Variants in RTTN observed in about 807,000 individuals in gnomAD.
The protein encoded by RTTN is rotatin.
Under a neutral mutation model 269.2 loss-of-function variants are expected in RTTN, and 182 were observed. The ratio of observed to expected loss-of-function variants is 0.68; its 90% CI spans 0.60 to 0.76. The LOEUF (loss-of-function observed/expected upper bound fraction) is 0.76. Among genes scored for constraint, RTTN ranks in the 30% least tolerant of loss-of-function variants. The pLI is 0.00. For missense variants in RTTN, 2,545 were observed against 2,608.6 expected (o/e 0.98, Z 0.53); for synonymous variants, 1,006 against 963.5 (o/e 1.04, Z -0.82).
intron 39 of RTTN, among the ~76,000 whole-genome samples, chr18:70,051,192 C>T (rs1337091643): frequency 1.3e-5 from 2 of 152,182 alleles, no homozygotes; most frequent in African/African-American, 2.4e-5. Flanking sequence ...TTTCCTAACT[C>T]GCTTTTATGT....
rs774706745 is a variant in RTTN at position 70,190,679 on chromosome 18, C to A, written c.1048G>T (p.Val350Phe). 4 of 1,612,700 alleles carry A rather than the reference C, an allele frequency of 2.5e-6. No individual in the cohort carries two copies. Among genetic ancestry groups the A allele is most frequent in the Non-Finnish European group, 3.4e-6 (4 of 1,178,844 alleles). ...TGTCCCATATCCAAAGGTGAATGAA[C>A]GGATATCCTGGAGTTTACATGAGCA... ...SHAHVNSRIS[V>F]HSPLDMGHID... Residue 350 changes from valine to phenylalanine, a missense_variant, in exon 9 of 49, where the codon GTT becomes TTT. Coordinates refer to ENST00000640769, the MANE Select transcript of RTTN (RefSeq NM_173630.4).
At chr18:70,164,561 A>C (rs1286521137) in intron 14 of RTTN, among the ~76,000 whole-genome samples, 1 of 152,120 alleles carries the variant, frequency 6.6e-6, no homozygotes, top group Non-Finnish European at 1.5e-5. Flanking sequence ...AAAAAAAGTA[A>C]ATTAGACAAA....
chr18:70,040,845 T>C (rs1161411100), intron 40 of RTTN, among the ~76,000 whole-genome samples: 2 of 152,276 alleles, frequency 1.3e-5, no homozygotes, highest in South Asian at 2.1e-4. Flanking sequence ...TACAAACATA[T>C]GAAAATTAAA....
intron 10 of RTTN, among the ~76,000 whole-genome samples, chr18:70,179,321 T>C (rs780672704): frequency 1.3e-5 from 2 of 152,208 alleles, no homozygotes; most frequent in Non-Finnish European, 2.9e-5. Context: ...ACATCTCTAT[T>C]ATTCAAGTCT....
intron 32 of RTTN, among the ~76,000 whole-genome samples, chr18:70,078,949 C>G (rs1420690370): frequency 6.6e-6 from 1 of 152,026 alleles, no homozygotes; most frequent in Non-Finnish European, 1.5e-5. Flanking sequence ...CCAGGAAGAG[C>G]AAGTGTGACC....
At chr18:70,117,902 G>A (rs2059639738) in intron 26 of RTTN, among the ~76,000 whole-genome samples, 2 of 151,796 alleles carry the variant, frequency 1.3e-5, no homozygotes, top group South Asian at 4.2e-4. Flanking sequence ...CAAAGAAAAA[G>A]CTAAAAGGGA....
chr18:70,012,667 T>C (rs908629483), intron 46 of RTTN, among the ~76,000 whole-genome samples: 8 of 151,822 alleles, frequency 5.3e-5, no homozygotes, highest in African/African-American at 1.9e-4. Context: ...TGGTACTGGT[T>C]AGAGGGCAGC....
chr18:70,109,015 G>T (rs1034809880), intron 28 of RTTN, among the ~76,000 whole-genome samples: 1 of 152,114 alleles, frequency 6.6e-6, no homozygotes, highest in African/African-American at 2.4e-5. Context: ...TTTCAAAAAA[G>T]ATGCTCATTT....
chr18:70,048,181 G>T lies in RTTN; in HGVS notation c.5331C>A (p.Phe1777Leu). The T allele has an allele frequency of 6.2e-7, 1 of 1,610,646 alleles. No individual in the cohort carries two copies. Among genetic ancestry groups the T allele is most frequent in the South Asian group, 1.1e-5 (1 of 90,810 alleles). Reference protein sequence around the residue: ...AKHWTAAIDMFCTCAGLSATC... With the variant: ...AKHWTAAIDMLCTCAGLSATC... ...TGGCAGACAAGCCTGCACATGTGCA[G>T]AACATATCTAAAGGAATAATTTCAG... The change falls in exon 40 of 49, where the codon TTC becomes TTA. Residue 1777 changes from phenylalanine (F) to leucine (L), a missense_variant. Phe to Leu is a conservative substitution (Grantham distance 22). Transcript: ENST00000640769.
chr18:70,040,114 C>T (rs1276401353), intron 40 of RTTN, among the ~76,000 whole-genome samples: 1 of 152,142 alleles, frequency 6.6e-6, no homozygotes, highest in Non-Finnish European at 1.5e-5. Context: ...GCAGTCCCTA[C>T]TTGTCAATAA....
chr18:70,095,207 T>C (rs1013775723), intron 28 of RTTN, among the ~76,000 whole-genome samples: 1 of 152,114 alleles, frequency 6.6e-6, no homozygotes, highest in African/African-American at 2.4e-5. Context: ...GCATGTGAGA[T>C]GGGTCTCCTG....
At position 70,075,334 on chromosome 18, in the gene RTTN, C is replaced by G; in HGVS notation, c.4564+18G>C. ...GTTACATATTACAAAAATAAAAATA[C>G]AAAGATATCGTACTTACCATTTAAA... On this transcript the variant is annotated intron_variant, in intron 33 of 48. Coordinates refer to ENST00000640769, the MANE Select transcript of RTTN (RefSeq NM_173630.4). 6.8e-7 allele frequency: 1 copy of G among 1,467,386 alleles called. No homozygotes were observed. Among genetic ancestry groups the G allele is most frequent in the Non-Finnish European group, 9.1e-7 (1 of 1,097,830 alleles). 90.9% of individuals were successfully genotyped at this position (1,467,386 alleles called of 1,614,324 possible).
At chr18:70,012,948 TTAACAAAAACA>T (rs975678801) in intron 46 of RTTN, among the ~76,000 whole-genome samples, 15 of 152,310 alleles carry the variant, frequency 9.8e-5, no homozygotes, top group Admixed American at 5.2e-4. Context: ...TTTTAAATAT[TTAACAAAAACA>T]AAACAAAAAA....
intron 14 of RTTN, among the ~76,000 whole-genome samples, chr18:70,163,255 G>A (rs1190659264): frequency 1.3e-5 from 2 of 151,698 alleles, no homozygotes; most frequent in African/African-American, 2.4e-5. Flanking sequence ...GGTGATGCAC[G>A]CCTGTAGTCC....
intron 27 of RTTN, among the ~76,000 whole-genome samples, chr18:70,113,839 C>A (rs2059536397): frequency 6.6e-6 from 1 of 152,084 alleles, no homozygotes; most frequent in African/African-American, 2.4e-5. Flanking sequence ...CCAGAATAGG[C>A]AAATCCACAG....
At chr18:70,121,140 C>T (rs1045707168) in intron 26 of RTTN, among the ~76,000 whole-genome samples, 2 of 151,986 alleles carry the variant, frequency 1.3e-5, no homozygotes, top group African/African-American at 2.4e-5. Flanking sequence ...TTCCAGTAAC[C>T]GTTATTTAAG....
chr18:70,059,811 C>A, intron 36 of RTTN, 39 bp downstream of exon 36: 1 of 1,347,816 alleles, frequency 7.4e-7, no homozygotes, highest in Non-Finnish European at 1.0e-6. Flanking sequence ...GTAAATTTAT[C>A]TCAACTAACA....
intron 7 of RTTN, chr18:70,194,565 G>A (rs1022437655): frequency 6.6e-6 from 1 of 152,134 alleles, no homozygotes; most frequent in Non-Finnish European, 1.5e-5. Context: ...CATGTCCATC[G>A]ACAAATGCAT....
intron 26 of RTTN, among the ~76,000 whole-genome samples, chr18:70,118,427 G>A (rs890407943): frequency 6.6e-6 from 1 of 151,950 alleles, no homozygotes; most frequent in Admixed American, 6.6e-5. Context: ...CCAATAATAA[G>A]GAGATTAAAT....
Sources: gnomAD v4.1 joint callset for allele counts (sites outside exome capture counted in the v4.1 genomes callset) on GRCh38, gnomAD v4.1.1 for gene constraint, MANE v1.5 for transcripts, NCBI Gene and HGNC (gene_info 2026-07-23, HGNC 2026-07-21) for gene names.